Variants in NCKAP5 observed in about 807,000 individuals in gnomAD.
NCKAP5 encodes the protein nck-associated protein 5.
NCKAP5 carries 92 observed loss-of-function variants against 167.0 expected under a neutral mutation model. The observed-to-expected ratio is 0.55, with a 90% CI of 0.47 to 0.66. The LOEUF is 0.66. Ranked by LOEUF, NCKAP5 falls within the 30% of genes least tolerant of loss-of-function variation. The pLI, the probability that NCKAP5 is intolerant of heterozygous loss-of-function variation, is 0.00. For synonymous variants in NCKAP5, 891 were observed against 877.4 expected, an observed-to-expected ratio of 1.02 and a Z score of -0.27; for missense variants, 2,378 against 2,315.0, an observed-to-expected ratio of 1.03 and a Z score of -0.56.
chr2:132,790,139 G>A lies in NCKAP5; in HGVS notation c.976C>T (p.Leu326Phe), dbSNP rs1428492632. ...PGLGAVIPGH[L>F]CPRNSYSSSS... ...CTACTGTAGCTGTTTCGAGGACAGA[G>A]ATGACCAGGGATGACAGCCCCCAAG... is the stretch of plus-strand genomic sequence containing the variant. The change falls in exon 13 of 20, where the codon CTC becomes TTC. Residue 326 changes from leucine to phenylalanine, a missense_variant. Leu to Phe is a conservative substitution (Grantham distance 22, BLOSUM62 0). Around this residue, in one of 3 missense-constraint regions of NCKAP5, gnomAD observed 1,049 missense variants for 1,023.4 expected, o/e 1.02. Transcript: ENST00000409261. The A allele has an allele frequency of 6.8e-6, 11 of 1,613,688 alleles. No homozygotes were observed. In the South Asian group the frequency reaches 1.1e-4, roughly 16 times the overall value.
chr2:132,952,638 C>T (rs547537515), intron 8 of NCKAP5, among the ~76,000 whole-genome samples: 3 of 152,296 alleles, frequency 2.0e-5, no homozygotes, highest in South Asian at 4.1e-4. Flanking sequence ...CTTCGGCTGC[C>T]TATTACTGAG....
intron 6 of NCKAP5, among the ~76,000 whole-genome samples, chr2:133,064,947 T>A (rs2080138961): frequency 6.6e-6 from 1 of 152,238 alleles, no homozygotes; most frequent in South Asian, 2.1e-4. Flanking sequence ...AGCAGGCTCC[T>A]TAGCATCTGA....
At chr2:132,737,132 C>G (rs16840576) in intron 16 of NCKAP5, among the ~76,000 whole-genome samples, 18,103 of 152,132 alleles carry the variant, frequency 0.12, 1,671 homozygotes, top group East Asian at 0.45. Context: ...AGGAAATATA[C>G]AGTTGGTTGA....
chr2:133,562,876 GT>G (rs1688267209), intron 1 of NCKAP5, among the ~76,000 whole-genome samples: 1 of 152,200 alleles, frequency 6.6e-6, no homozygotes, highest in Non-Finnish European at 1.5e-5. Flanking sequence ...CATTGTAAAT[GT>G]GTGGGTAATG....
In NCKAP5 at chr2:133,354,200, C is replaced by T. The variant is rs542007083; in HGVS notation, c.70-51090G>A. ...TATATGCATTATATAATACTTAACT[C>T]AATCTTCTTCTTTAGAGACAAACTT... On this transcript the variant is annotated intron_variant, in intron 3 of 19. Transcript: ENST00000409261. Among the ~76,000 whole-genome samples the T allele has an allele frequency of 2.0e-5, 3 of 151,884 alleles. No homozygotes were observed. The East Asian group carries it at 5.8e-4, about 29-fold the overall frequency.
intron 3 of NCKAP5, among the ~76,000 whole-genome samples, chr2:133,339,967 C>T (rs2150760748): frequency 6.6e-6 from 1 of 152,284 alleles, no homozygotes; most frequent in South Asian, 2.1e-4. Context: ...ATCCAATGGG[C>T]ATTGTTAAGA....
intron 7 of NCKAP5, among the ~76,000 whole-genome samples, chr2:132,981,128 A>G (rs1159600480): frequency 6.6e-6 from 1 of 152,246 alleles, no homozygotes; most frequent in Non-Finnish European, 1.5e-5. Flanking sequence ...ACATTTTGTA[A>G]TAAGAAGGTT....
chr2:133,031,110 A>G (rs1265240903), intron 6 of NCKAP5, among the ~76,000 whole-genome samples: 1 of 150,222 alleles, frequency 6.7e-6, no homozygotes, highest in African/African-American at 2.4e-5. Flanking sequence ...TCATATACAG[A>G]AAAAAAAAAC....
At chr2:133,011,057 G>A (rs1354738147) in intron 6 of NCKAP5, among the ~76,000 whole-genome samples, 1 of 152,128 alleles carries the variant, frequency 6.6e-6, no homozygotes, top group Non-Finnish European at 1.5e-5. Flanking sequence ...CAAGTGATAG[G>A]ATTTTTAAGA....
chr2:133,438,090 CT>C (rs1266723793), intron 3 of NCKAP5, among the ~76,000 whole-genome samples: 1 of 152,216 alleles, frequency 6.6e-6, no homozygotes. Flanking sequence ...AGTGTTATTT[CT>C]TTCCTCTGCA....
At chr2:133,388,615 C>G (rs1687169311) in intron 3 of NCKAP5, among the ~76,000 whole-genome samples, 1 of 152,248 alleles carries the variant, frequency 6.6e-6, no homozygotes, top group Non-Finnish European at 1.5e-5. Flanking sequence ...TTTTGTTCAG[C>G]TATGCCCTGC....
intron 3 of NCKAP5, among the ~76,000 whole-genome samples, chr2:133,473,076 G>A (rs556531307): frequency 6.6e-6 from 1 of 152,172 alleles, no homozygotes; most frequent in South Asian, 2.1e-4. Context: ...GCTCACACCT[G>A]TAATCCAAGC....
intron 6 of NCKAP5, among the ~76,000 whole-genome samples, chr2:133,009,688 C>T (rs1573726058): frequency 1.3e-5 from 2 of 152,124 alleles, no homozygotes; most frequent in East Asian, 1.9e-4. Context: ...CTGTAGGAGA[C>T]GGGCAGACCC....
At chr2:132,991,739 C>G (rs1235585938) in intron 7 of NCKAP5, among the ~76,000 whole-genome samples, 1 of 152,140 alleles carries the variant, frequency 6.6e-6, no homozygotes, top group Non-Finnish European at 1.5e-5. Flanking sequence ...CCTCTGGCTC[C>G]TTTCAGAGAA....
Position 133,133,250 on chromosome 2 carries a change from T to G in NCKAP5, c.208-3139A>C, listed in dbSNP as rs115279499. 5.1e-3 allele frequency among the ~76,000 whole-genome samples: 784 copies of G among 152,296 alleles called. 6 individuals are homozygous for G. The highest frequency in any genetic ancestry group is 0.017 in the African/African-American group (716 of 41,560). On this transcript the variant is annotated intron_variant, in intron 5 of 19. Transcript: ENST00000409261. ...ATCCTGGGAATCTGGGTTACAAATC[T>G]GACAGGACCACATTTCCACAGCAAC...
chr2:132,776,306 A>G (rs1682538992), intron 15 of NCKAP5, among the ~76,000 whole-genome samples: 1 of 151,926 alleles, frequency 6.6e-6, no homozygotes, highest in Non-Finnish European at 1.5e-5. Flanking sequence ...TCCCTTCCCT[A>G]CTGTTCCTTA....
At chr2:133,093,715 T>C (rs1404890155) in intron 6 of NCKAP5, among the ~76,000 whole-genome samples, 2 of 152,346 alleles carry the variant, frequency 1.3e-5, no homozygotes, top group East Asian at 3.9e-4. Flanking sequence ...CACATACCAA[T>C]TACTGTTAGG....
At chr2:133,048,061 G>A (rs2079464690) in intron 6 of NCKAP5, among the ~76,000 whole-genome samples, 1 of 152,186 alleles carries the variant, frequency 6.6e-6, no homozygotes, top group South Asian at 2.1e-4. Flanking sequence ...AGTATGAGAT[G>A]ATGTGGTCTG....
At position 132,809,505 on chromosome 2, in the gene NCKAP5, T is replaced by C. The variant is rs188318846; in HGVS notation, c.808-12776A>G. Reference sequence around the variant, plus strand: ...ATATTTTCCTGTCGGACAAGGCCTTTACCATTATATAATGTCTCTCTTTGT... The same window carrying C: ...ATATTTTCCTGTCGGACAAGGCCTTCACCATTATATAATGTCTCTCTTTGT... On this transcript the variant is annotated intron_variant, in intron 11 of 19. Coordinates refer to ENST00000409261, the MANE Select transcript of NCKAP5 (RefSeq NM_207363.3). Among the ~76,000 whole-genome samples the C allele has an allele frequency of 5.4e-5, 7 of 130,712 alleles. No individual in the cohort carries two copies. The East Asian group carries it at 7.4e-4, about 14-fold the overall frequency. The allele number at this position is 130,712 out of a possible 152,430, so 85.8% of individuals were successfully genotyped here.
Sources: gnomAD v4.1 joint callset for allele counts (sites outside exome capture counted in the v4.1 genomes callset) on GRCh38, gnomAD v4.1.1 for gene constraint, gnomAD v4.1.1 regional missense constraint, MANE v1.5 for transcripts, NCBI Gene and HGNC (gene_info 2026-07-23, HGNC 2026-07-21) for gene names.